Variants in ANKS1B observed in about 807,000 individuals in gnomAD.
The protein encoded by ANKS1B is ankyrin repeat and sterile alpha motif domain containing 1B.
ANKS1B carries 36 observed loss-of-function variants against 148.3 expected under a neutral mutation model. That is an observed-to-expected ratio of 0.24 (90% confidence interval 0.19 to 0.32). The LOEUF (loss-of-function observed/expected upper bound fraction) is 0.32. Ranked by LOEUF, ANKS1B falls within the 10% of genes least tolerant of loss-of-function variation. The probability of loss-of-function intolerance (pLI) is 1.00; values close to 1 mark genes in which losing one functional copy is unlikely to be tolerated. For missense variants in ANKS1B, 1,157 were observed against 1,542.6 expected (o/e 0.75, Z 4.19); for synonymous variants, 542 against 560.8 (o/e 0.97, Z 0.47).
intron 25 of ANKS1B, among the ~76,000 whole-genome samples, chr12:98,764,260 TGTGTTACCCA>T (rs1416461270): frequency 6.6e-6 from 1 of 152,172 alleles, no homozygotes; most frequent in Non-Finnish European, 1.5e-5. Flanking sequence ...AGGGTCTCAC[TGTGTTACCCA>T]GGCTGGAGTG....
intron 15 of ANKS1B, among the ~76,000 whole-genome samples, chr12:99,120,204 G>A (rs576039346): frequency 2.6e-5 from 4 of 152,286 alleles, no homozygotes; most frequent in Admixed American, 6.5e-5. Flanking sequence ...TTGGGCCGTG[G>A]AAGGAAACCG....
At chr12:98,833,570 C>CATG (rs938273819) in intron 17 of ANKS1B, among the ~76,000 whole-genome samples, 1 of 115,086 alleles carries the variant, frequency 8.7e-6, no homozygotes, top group Non-Finnish European at 1.7e-5. Context: ...GCAGGCATCC[C>CATG]ATGATACCTT....
chr12:99,598,376 G>C (rs1030529066), intron 9 of ANKS1B, among the ~76,000 whole-genome samples: 2 of 151,988 alleles, frequency 1.3e-5, no homozygotes, highest in African/African-American at 2.4e-5. Flanking sequence ...CATTCTATTT[G>C]CAAGCTATCA....
chr12:99,000,663 G>A (rs2099932451), intron 17 of ANKS1B, among the ~76,000 whole-genome samples: 1 of 152,162 alleles, frequency 6.6e-6, no homozygotes, highest in Non-Finnish European at 1.5e-5. Flanking sequence ...ATACAATACT[G>A]TTAACTAGAG....
chr12:99,168,645 CAG>C (rs1011880500), intron 14 of ANKS1B, among the ~76,000 whole-genome samples: 7 of 151,948 alleles, frequency 4.6e-5, no homozygotes, highest in African/African-American at 1.7e-4. Context: ...AATATTTAAA[CAG>C]AGACTCAAAG....
At chr12:99,116,910 C>G (rs1047971268) in intron 15 of ANKS1B, among the ~76,000 whole-genome samples, 4 of 152,094 alleles carry the variant, frequency 2.6e-5, no homozygotes, top group Non-Finnish European at 5.9e-5. Context: ...TGAAGAGGTC[C>G]TTCACATCCC....
intron 1 of ANKS1B, among the ~76,000 whole-genome samples, chr12:99,929,700 TCAG>T (rs2094564284): frequency 6.6e-6 from 1 of 152,236 alleles, no homozygotes; most frequent in African/African-American, 2.4e-5. Flanking sequence ...GGATCCAGTT[TCAG>T]CCTTCTACAT....
At chr12:99,848,828 A>T (rs952029908) in intron 1 of ANKS1B, among the ~76,000 whole-genome samples, 2 of 151,964 alleles carry the variant, frequency 1.3e-5, no homozygotes, top group Non-Finnish European at 2.9e-5. Flanking sequence ...TAAAAAAAAA[A>T]TGTGGTACAA....
At chr12:98,848,646 C>T (rs1317986690) in intron 17 of ANKS1B, among the ~76,000 whole-genome samples, 2 of 151,112 alleles carry the variant, frequency 1.3e-5, no homozygotes, top group East Asian at 1.9e-4. Flanking sequence ...GCAACCTCCT[C>T]CTCCCAGGTT....
At position 98,745,547 on chromosome 12, in the gene ANKS1B, A is replaced by G; in HGVS notation, c.*192T>C. ...ACGCCTCTCAGGGGTTGCGACTGGA[A>G]AGTCTTGCGTTTTCCATCACTGGTG... On this transcript the variant is annotated 3_prime_UTR_variant, in exon 27 of 27. Coordinates refer to ENST00000683438, the MANE Select transcript of ANKS1B (RefSeq NM_001352186.2). 3.7e-6 allele frequency: 5 copies of G among 1,361,020 alleles called. No individual in the cohort carries two copies. The highest frequency in any genetic ancestry group is 3.8e-6 in the Non-Finnish European group (4 of 1,055,672). 84.3% of individuals were successfully genotyped at this position (1,361,020 alleles called of 1,614,324 possible).
chr12:99,778,905 G>A (rs2063963519), intron 6 of ANKS1B, among the ~76,000 whole-genome samples: 1 of 152,128 alleles, frequency 6.6e-6, no homozygotes, highest in Non-Finnish European at 1.5e-5. Context: ...GCAAAACAAT[G>A]CTGTTCTTCA....
chr12:99,265,859 G>A (rs1302904897), intron 12 of ANKS1B, among the ~76,000 whole-genome samples: 1 of 152,128 alleles, frequency 6.6e-6, no homozygotes, highest in Non-Finnish European at 1.5e-5. Context: ...ACCATGGAGA[G>A]TTCTTCACAT....
intron 9 of ANKS1B, among the ~76,000 whole-genome samples, chr12:99,515,045 G>C (rs542119830): frequency 6.6e-6 from 1 of 151,678 alleles, no homozygotes; most frequent in African/African-American, 2.4e-5. Context: ...AACTTTTGTG[G>C]GTGTATAGCA....
intron 17 of ANKS1B, among the ~76,000 whole-genome samples, chr12:99,028,507 G>A (rs906384847): frequency 6.6e-6 from 1 of 152,184 alleles, no homozygotes; most frequent in Non-Finnish European, 1.5e-5. Flanking sequence ...CATCTTCTGG[G>A]CTTTGATCTG....
intron 11 of ANKS1B, among the ~76,000 whole-genome samples, chr12:99,430,300 G>A (rs935697146): frequency 7.2e-5 from 11 of 152,118 alleles, no homozygotes; most frequent in Non-Finnish European, 1.0e-4. Flanking sequence ...GAAAAGCTTA[G>A]AAAGATAGGA....
chr12:98,777,471 C>T lies in ANKS1B; in HGVS notation c.3441+3646G>A, dbSNP rs143223608. Among the ~76,000 whole-genome samples, 190 of 152,288 alleles carry T rather than the reference C, an allele frequency of 1.2e-3. 1 individual carries two copies. The highest frequency in any genetic ancestry group is 2.5e-3 in the Non-Finnish European group (168 of 68,018). Reference sequence around the variant, plus strand: ...CTCAGCTGAGCACTGAATGTAGAAACCGTGTCTCCTCTCGGAAGACCTCCC... The same window carrying T: ...CTCAGCTGAGCACTGAATGTAGAAATCGTGTCTCCTCTCGGAAGACCTCCC... On this transcript the variant is annotated intron_variant, in intron 24 of 26. Transcript: ENST00000683438.
intron 17 of ANKS1B, among the ~76,000 whole-genome samples, chr12:98,877,496 C>T (rs1010789298): frequency 6.6e-6 from 1 of 152,176 alleles, no homozygotes; most frequent in African/African-American, 2.4e-5. Context: ...CGGAAGAAAT[C>T]CAAATTAGCT....
At chr12:99,293,352 G>T (rs889024685) in intron 12 of ANKS1B, among the ~76,000 whole-genome samples, 1 of 151,962 alleles carries the variant, frequency 6.6e-6, no homozygotes, top group African/African-American at 2.4e-5. Context: ...GGCCTGTCGG[G>T]GGGTGGGGGC....
At chr12:99,411,865 A>G (rs1002583679) in intron 11 of ANKS1B, among the ~76,000 whole-genome samples, 8 of 152,106 alleles carry the variant, frequency 5.3e-5, no homozygotes, top group Non-Finnish European at 1.0e-4. Context: ...TTCCTGTTTT[A>G]TATACTGGGA....
Sources: gnomAD v4.1 joint callset for allele counts (sites outside exome capture counted in the v4.1 genomes callset) on GRCh38, gnomAD v4.1.1 for gene constraint, MANE v1.5 for transcripts, NCBI Gene and HGNC (gene_info 2026-07-23, HGNC 2026-07-21) for gene names.